ABCA13: variants seen among roughly 807,000 people sequenced by gnomAD.
The protein encoded by ABCA13 is ATP-binding cassette sub-family A member 13.
A neutral mutation model predicts 478.7 loss-of-function variants in ABCA13; 476 were observed. The ratio of observed to expected loss-of-function variants is 0.99; its 90% CI spans 0.92 to 1.07. ABCA13 has a LOEUF of 1.07. Ranked by LOEUF, ABCA13 falls within the 50% of genes least tolerant of loss-of-function variation. The probability of loss-of-function intolerance (pLI) is 0.00; values close to 1 mark genes in which losing one functional copy is unlikely to be tolerated. For missense variants in ABCA13, 6,060 were observed against 5,910.6 expected, an observed-to-expected ratio of 1.03 and a Z score of -0.83; for synonymous variants, 2,252 against 2,158.9, an observed-to-expected ratio of 1.04 and a Z score of -1.20.
chr7:48,376,527 A>G lies in ABCA13; in HGVS notation c.11290A>G (p.Ser3764Gly), dbSNP rs774351438. ...TTGCTGGATGATTCTTTTTGATTCA[A>G]GCCTTTATTTTTTGTGTGGATGGTA... ...WVCWMILFDS[S>G]LYFLCGWYLS... The change falls in exon 35 of 62, where the codon AGC (serine) becomes GGC (glycine). Residue 3764 changes from serine to glycine, a missense_variant. Around this residue, in one of 3 missense-constraint regions of ABCA13, gnomAD observed 10 missense variants for 30.5 expected, o/e 0.33. Transcript: ENST00000435803. 5 of 1,613,898 alleles carry G rather than the reference A, an allele frequency of 3.1e-6. 1 individual carries two copies. The highest frequency in any genetic ancestry group is 1.7e-5 in the Admixed American group (1 of 60,018).
chr7:48,298,321 T>G, intron 22 of ABCA13, 45 bp from the exon 23 acceptor site: 1 of 1,556,962 alleles, frequency 6.4e-7, no homozygotes, highest in Non-Finnish European at 8.7e-7. Context: ...TCAGTAATGA[T>G]CTAAACCTTT....
rs1437043584 is a variant in ABCA13, at chr7:48,455,107, G to A, written c.12636G>A (p.Leu4212=). The change falls in exon 43 of 62, where the codon CTG becomes CTA. Residue 4212 remains leucine, a synonymous_variant. Transcript: ENST00000435803. The stretch of plus-strand genomic sequence containing the variant: ...TCCGCGCACAAGTGGCCGCGATCCT[G>A]GCCCGGAGGCTCCGCCGCACGCTGC... ...QLLRAQVAAI[L]ARRLRRTLRA... 2 of 1,556,336 alleles carry A rather than the reference G, an allele frequency of 1.3e-6. No individual in the cohort carries two copies. The highest frequency in any genetic ancestry group is 2.4e-5 in the East Asian group (1 of 41,294).
intron 27 of ABCA13, among the ~76,000 whole-genome samples, chr7:48,319,075 T>C (rs1222945548): frequency 6.6e-6 from 1 of 152,100 alleles, no homozygotes; most frequent in Non-Finnish European, 1.5e-5. Flanking sequence ...CTGGTCTCCC[T>C]GGAAAGAAAG....
intron 41 of ABCA13, among the ~76,000 whole-genome samples, chr7:48,425,062 C>G (rs1293283806): frequency 6.6e-6 from 1 of 152,104 alleles, no homozygotes; most frequent in Non-Finnish European, 1.5e-5. Context: ...TACCCAGATA[C>G]TTAGTGCCGT....
intron 1 of ABCA13, among the ~76,000 whole-genome samples, chr7:48,189,870 G>C (rs1796865227): frequency 6.6e-6 from 1 of 152,144 alleles, no homozygotes. Flanking sequence ...CCATGAAAAG[G>C]CTGAATTCTT....
At position 48,276,347 on chromosome 7, in the gene ABCA13, AAAT is replaced by A. The variant is rs1377895197; in HGVS notation, c.6682_6684del (p.Asn2228del). ...ATTCTCAGGAAGCAGCTTGGAACTT[AAAT>A]GATACTGACCTTCAAATAATGAATT... On this transcript the variant is annotated inframe_deletion, in exon 17 of 62. Coordinates refer to ENST00000435803, the MANE Select transcript of ABCA13 (RefSeq NM_152701.5). The A allele has an allele frequency of 3.2e-6, 5 of 1,558,246 alleles. No individual in the cohort carries two copies. The highest frequency in any genetic ancestry group is 1.9e-5 in the Admixed American group (1 of 51,838).
chr7:48,195,371 A>G (rs572899408), intron 2 of ABCA13, among the ~76,000 whole-genome samples: 2 of 152,328 alleles, frequency 1.3e-5, no homozygotes, highest in African/African-American at 4.8e-5. Context: ...AGAGAAGGCA[A>G]GATCAACTTG....
chr7:48,229,466 C>T (rs1788732015), intron 6 of ABCA13, among the ~76,000 whole-genome samples: 1 of 152,140 alleles, frequency 6.6e-6, no homozygotes. Flanking sequence ...AACATAGCAG[C>T]CCTTTGCACC....
chr7:48,456,440 T>C (rs1177931827), intron 43 of ABCA13, among the ~76,000 whole-genome samples: 3 of 152,202 alleles, frequency 2.0e-5, no homozygotes, highest in Admixed American at 2.0e-4. Context: ...TTATAAAATA[T>C]GTTTCTTGAA....
At chr7:48,219,586 A>T in intron 4 of ABCA13, 81 bp downstream of exon 4, 1 of 1,502,752 alleles carries the variant, frequency 6.7e-7, no homozygotes, top group South Asian at 1.3e-5. Context: ...AGAACCCAGA[A>T]TGCTAAATGC....
intron 8 of ABCA13, 25 bp from the exon 9 acceptor site, chr7:48,239,215 TA>T (rs766667248): frequency 6.8e-6 from 11 of 1,612,660 alleles, no homozygotes; most frequent in Non-Finnish European, 9.3e-6. Flanking sequence ...GCTTTATGTC[TA>T]AATATTTTTT....
intron 2 of ABCA13, among the ~76,000 whole-genome samples, chr7:48,194,558 C>A (rs1797674562): frequency 6.6e-6 from 1 of 152,104 alleles, no homozygotes; most frequent in South Asian, 2.1e-4. Flanking sequence ...GAAACCTTAA[C>A]AACATCACTC....
intron 52 of ABCA13, among the ~76,000 whole-genome samples, chr7:48,517,314 G>A (rs904464962): frequency 3.3e-5 from 5 of 152,060 alleles, no homozygotes; most frequent in African/African-American, 1.2e-4. Context: ...CCATGCTCTC[G>A]GGGCACAGCA....
chr7:48,312,918 A>G, intron 24 of ABCA13, 149 bp from the exon 25 acceptor site: 1 of 707,750 alleles, frequency 1.4e-6, no homozygotes, highest in Non-Finnish European at 2.1e-6. Flanking sequence ...TAATGAAGAT[A>G]ACTTTCATAT....
intron 55 of ABCA13, among the ~76,000 whole-genome samples, chr7:48,570,503 T>C (rs549296405): frequency 6.6e-6 from 1 of 152,056 alleles, no homozygotes; most frequent in East Asian, 1.9e-4. Flanking sequence ...TTTTTGTTTT[T>C]TAGTAGAGAC....
At chr7:48,463,776 CGGAATGGAATGGAAT>C (rs199992643) in intron 43 of ABCA13, among the ~76,000 whole-genome samples, 41 of 106,468 alleles carry the variant, frequency 3.9e-4, no homozygotes, top group East Asian at 2.0e-3. Flanking sequence ...GGGAAAAGAA[CGGAATGGAATGGAAT>C]GGAATGGAAT....
In ABCA13 at chr7:48,279,138, C is replaced by T; in HGVS notation, c.7944C>T (p.Asn2648=). The T allele has an allele frequency of 1.2e-6, 2 of 1,607,730 alleles. No homozygotes were observed. The highest frequency in any genetic ancestry group is 1.7e-6 in the Non-Finnish European group (2 of 1,177,420). Residue 2648 remains asparagine (N), a synonymous_variant, in exon 18 of 62, where the codon AAC becomes AAT. Transcript: ENST00000435803. ...AATTTTTAACATCTGTGAAAATGAACTTGGAAGATATGAGGAGTCTTGCGG... is the reference window on the plus strand; with the variant it reads ...AATTTTTAACATCTGTGAAAATGAATTTGGAAGATATGAGGAGTCTTGCGG... ...IAEFLTSVKM[N]LEDMRSLAVA... is the part of the protein sequence containing the mutation.
Position 48,313,076 on chromosome 7 carries a change from C to T in ABCA13, c.9526C>T (p.Pro3176Ser). 6.3e-7 allele frequency: 1 copy of T among 1,579,360 alleles called. No homozygotes were observed. The highest frequency in any genetic ancestry group is 2.3e-5 in the East Asian group (1 of 43,926). ...TTGTTTTGTCCTTTAGACTCTGATG[C>T]CTTCTGAAGCAAATGGCTTGCTCAA... ...VRAFIYKTLM[P>S]SEANGLLNSL... Residue 3176 changes from proline (P) to serine (S), a missense_variant, in exon 25 of 62, where the codon CCT (proline) becomes TCT (serine). By Grantham distance (74) the Pro-to-Ser change is moderately conservative (BLOSUM62 -1). Around this residue, in one of 3 missense-constraint regions of ABCA13, gnomAD observed 4,423 missense variants for 4,309.1 expected, o/e 1.03. Coordinates refer to ENST00000435803, the MANE Select transcript of ABCA13 (RefSeq NM_152701.5).
At chr7:48,336,058 C>G (rs921975894) in intron 28 of ABCA13, among the ~76,000 whole-genome samples, 2 of 152,098 alleles carry the variant, frequency 1.3e-5, no homozygotes, top group African/African-American at 4.8e-5. Flanking sequence ...CATTTTAATT[C>G]ATGTTTAGTT....
Sources: gnomAD v4.1 joint callset for allele counts (sites outside exome capture counted in the v4.1 genomes callset) on GRCh38, gnomAD v4.1.1 for gene constraint, gnomAD v4.1.1 regional missense constraint, MANE v1.5 for transcripts, NCBI Gene and HGNC (gene_info 2026-07-23, HGNC 2026-07-21) for gene names.